The following VSTM2B variants were observed in gnomAD, a reference collection of about 807,000 sequenced individuals.
VSTM2B encodes the protein V-set and transmembrane domain containing 2B.
A neutral mutation model predicts 24.0 loss-of-function variants in VSTM2B; 24 were observed. That is an observed-to-expected ratio of 1.00 (90% confidence interval 0.72 to 1.40). The LOEUF is 1.40. VSTM2B is among the 40% of genes most tolerant of loss of function. The pLI, the probability that VSTM2B is intolerant of heterozygous loss-of-function variation, is 0.00. For missense variants in VSTM2B, 399 were observed against 416.4 expected (o/e 0.96, Z 0.36); for synonymous variants, 226 against 194.4 (o/e 1.16, Z -1.35).
In VSTM2B at chr19:29,526,500, G is replaced by T. The variant is rs1179500526; in HGVS notation, c.-84G>T. The T allele has an allele frequency of 8.7e-7, 1 of 1,144,278 alleles. No homozygotes were observed. Among genetic ancestry groups the T allele is most frequent in the Non-Finnish European group, 1.2e-6 (1 of 857,978 alleles). The allele number at this position is 1,144,278 out of a possible 1,614,324, so 70.9% of individuals were successfully genotyped here. A position where few individuals can be genotyped will look rare whatever the true frequency, so the allele number is the denominator to read the frequency against. ...CCATGGCAGGCTCGGAGGCGTCCTAGCCCGAGCCGGAGCCGATCCGAGCCC... is the reference window on the plus strand; with the variant it reads ...CCATGGCAGGCTCGGAGGCGTCCTATCCCGAGCCGGAGCCGATCCGAGCCC... On this transcript the variant is annotated 5_prime_UTR_variant, in exon 1 of 5. An upstream open reading frame in the 5' UTR loses its in-frame stop. Coordinates refer to ENST00000335523, the MANE Select transcript of VSTM2B (RefSeq NM_001146339.2). The surrounding 1 kb of genome is among the most constrained non-coding windows in gnomAD (Gnocchi z 4.1).
At chr19:29,563,813 T>C (rs1568450101) in intron 4 of VSTM2B, 33 bp from the exon 5 acceptor site, 6 of 1,540,580 alleles carry the variant, frequency 3.9e-6, no homozygotes, top group Middle Eastern at 1.7e-4. Flanking sequence ...GAGACTCAGG[T>C]GTTAACCTTG....
At chr19:29,545,511 G>T (rs779704822) in intron 4 of VSTM2B, among the ~76,000 whole-genome samples, 24 of 152,304 alleles carry the variant, frequency 1.6e-4, no homozygotes, top group Non-Finnish European at 3.4e-4. Context: ...TACTCAGGAG[G>T]CTGAGGCAGG....
chr19:29,552,834 C>A (rs1970317388), intron 4 of VSTM2B, among the ~76,000 whole-genome samples: 1 of 152,218 alleles, frequency 6.6e-6, no homozygotes, highest in Admixed American at 6.5e-5. Context: ...TGCAGCACAG[C>A]AGCTGTGGCA....
intron 4 of VSTM2B, among the ~76,000 whole-genome samples, chr19:29,554,166 ACCAGAGAGATAGG>A (rs1451264480): frequency 6.6e-6 from 1 of 152,194 alleles, no homozygotes; most frequent in Non-Finnish European, 1.5e-5. Context: ...GTAAAGGGCA[ACCAGAGAGATAGG>A]CCAGATCACC....
At chr19:29,546,491 G>T (rs1251476924) in intron 4 of VSTM2B, among the ~76,000 whole-genome samples, 1 of 152,258 alleles carries the variant, frequency 6.6e-6, no homozygotes, top group African/African-American at 2.4e-5. Context: ...TAAGGCTGCT[G>T]AGAGAGATAA....
intron 3 of VSTM2B, among the ~76,000 whole-genome samples, chr19:29,529,358 C>G (rs1364156141): frequency 6.6e-6 from 1 of 151,904 alleles, no homozygotes; most frequent in Non-Finnish European, 1.5e-5. Flanking sequence ...CCTCCGTGCT[C>G]CGGGAGGTGA....
At chr19:29,544,955 A>G (rs1970115876) in intron 4 of VSTM2B, among the ~76,000 whole-genome samples, 1 of 152,224 alleles carries the variant, frequency 6.6e-6, no homozygotes, top group African/African-American at 2.4e-5. Flanking sequence ...TGAGACAGCC[A>G]TGGTCTCCAC....
Position 29,529,882 on chromosome 19 carries a change from G to C in VSTM2B, c.361G>C (p.Asp121His). Reference sequence around the variant, plus strand: ...TCGGCTGTCTGCCGTGCGGCTGCAGGACGAGGGCGTGTACGAGTGCCGCGT... The same window carrying C: ...TCGGCTGTCTGCCGTGCGGCTGCAGCACGAGGGCGTGTACGAGTGCCGCGT... ...RLRLSAVRLQ[D>H]EGVYECRVSD... Residue 121 changes from aspartate (D) to histidine (H), a missense_variant, in exon 4 of 5, where the codon GAC (aspartate) becomes CAC (histidine). Physicochemically the swap from Asp to His is moderately conservative, Grantham distance 81. Transcript: ENST00000335523. 1 of 1,550,426 alleles carries C rather than the reference G, an allele frequency of 6.4e-7. No individual in the cohort carries two copies. Among genetic ancestry groups the C allele is most frequent in the East Asian group, 2.4e-5 (1 of 40,910 alleles).
chr19:29,541,788 G>T (rs1014062875), intron 4 of VSTM2B, among the ~76,000 whole-genome samples: 1 of 151,716 alleles, frequency 6.6e-6, no homozygotes, highest in African/African-American at 2.4e-5. Context: ...TGGAAGGAAG[G>T]ATAAATGAAT....
rs746859863 is a variant in VSTM2B at position 29,563,850 on chromosome 19, C to G, written c.774C>G (p.Thr258=). The stretch of plus-strand genomic sequence containing the variant: ...CTGTTTTCTCATCCCCTGCAGGCAC[C>G]GGCCGTAGCTACACCACAGACCCAC... ...VLLRQRHGSG[T]GRSYTTDPLL... The change falls in exon 5 of 5, where the codon ACC becomes ACG. Residue 258 remains threonine, a synonymous_variant. Transcript: ENST00000335523. 6.4e-7 allele frequency: 1 copy of G among 1,552,130 alleles called. No homozygotes were observed. Among genetic ancestry groups the G allele is most frequent in the Non-Finnish European group, 8.7e-7 (1 of 1,147,026 alleles).
Position 29,529,993 on chromosome 19 carries a change from C to G in VSTM2B, c.472C>G (p.Gln158Glu), listed in dbSNP as rs1969695265. ...CTCGCGCTTCGCGCCGCCCAACATGCAGGCCGCCGAGGCCGTGTCCCACAT... is the reference window on the plus strand; with the variant it reads ...CTCGCGCTTCGCGCCGCCCAACATGGAGGCCGCCGAGGCCGTGTCCCACAT... ...VLSRFAPPNM[Q>E]AAEAVSHIQS... Residue 158 changes from glutamine to glutamate, a missense_variant, in exon 4 of 5, where the codon CAG (glutamine) becomes GAG (glutamate). Physicochemically the swap from Gln to Glu is conservative, Grantham distance 29. Coordinates refer to ENST00000335523, the MANE Select transcript of VSTM2B (RefSeq NM_001146339.2). 1.9e-6 allele frequency: 3 copies of G among 1,542,922 alleles called. No homozygotes were observed. Among genetic ancestry groups the G allele is most frequent in the Non-Finnish European group, 2.6e-6 (3 of 1,146,332 alleles).
chr19:29,526,078 C>T lies in VSTM2B; in HGVS notation c.-506C>T, dbSNP rs1304410510. On this transcript the variant is annotated 5_prime_UTR_variant, in exon 1 of 5. Transcript: ENST00000335523. This position sits in a 1 kb window ranked among gnomAD's most constrained non-coding sequence, Gnocchi z 4.1. The stretch of plus-strand genomic sequence containing the variant: ...CGGACGCCAGGTCTGCGCGCCGCGG[C>T]TGAGCGCCCACTCGCCCTGCGGAAA... Among the ~76,000 whole-genome samples, 2 of 152,008 alleles carry T rather than the reference C, an allele frequency of 1.3e-5. No homozygotes were observed. The highest frequency in any genetic ancestry group is 2.9e-5 in the Non-Finnish European group (2 of 67,956).
chr19:29,526,504 G>T lies in VSTM2B; in HGVS notation c.-80G>T. On this transcript the variant is annotated 5_prime_UTR_variant, in exon 1 of 5. Transcript: ENST00000335523. The surrounding 1 kb of genome is among the most constrained non-coding windows in gnomAD (Gnocchi z 4.1). ...GGCAGGCTCGGAGGCGTCCTAGCCC[G>T]AGCCGGAGCCGATCCGAGCCCACGC... 8.4e-7 allele frequency: 1 copy of T among 1,189,818 alleles called. No individual in the cohort carries two copies. Among genetic ancestry groups the T allele is most frequent in the South Asian group, 1.7e-5 (1 of 60,124 alleles). The allele number at this position is 1,189,818 out of a possible 1,614,324, so 73.7% of individuals were successfully genotyped here.
chr19:29,538,215 T>A (rs1327506960), intron 4 of VSTM2B, among the ~76,000 whole-genome samples: 1 of 152,166 alleles, frequency 6.6e-6, no homozygotes, highest in Non-Finnish European at 1.5e-5. Flanking sequence ...ACCATTTGAT[T>A]GGAATCTTGA....
chr19:29,525,939 C>A (rs1247954114), upstream of VSTM2B, among the ~76,000 whole-genome samples: 1 of 151,336 alleles, frequency 6.6e-6, no homozygotes, highest in Non-Finnish European at 1.5e-5. Flanking sequence ...GTGGAGGCGG[C>A]TTGGCGCCCA....
chr19:29,562,285 A>C (rs1051468935), intron 4 of VSTM2B, among the ~76,000 whole-genome samples: 4 of 152,200 alleles, frequency 2.6e-5, no homozygotes, highest in Non-Finnish European at 5.9e-5. Flanking sequence ...ATTAAGGAGC[A>C]GGAGACGCCT....
At chr19:29,528,561 G>A (rs932586671) in intron 3 of VSTM2B, 99 bp downstream of exon 3, 2 of 1,437,120 alleles carry the variant, frequency 1.4e-6, no homozygotes, top group Non-Finnish European at 1.9e-6. Flanking sequence ...CGCGCATGTG[G>A]GGCCGCGCAA....
rs1470574438 is a variant in VSTM2B, at chr19:29,530,196, C to T, written c.675C>T (p.His225=). 11 of 1,496,036 alleles carry T rather than the reference C, an allele frequency of 7.4e-6. No individual in the cohort carries two copies. The African/African-American group carries it at 1.6e-4, about 22-fold the overall frequency. 92.7% of individuals were successfully genotyped at this position (1,496,036 alleles called of 1,614,324 possible). A position where few individuals can be genotyped will look rare whatever the true frequency, so the allele number is the denominator to read the frequency against. The change falls in exon 4 of 5, where the codon CAC becomes CAT. Residue 225 remains histidine, a synonymous_variant. Coordinates refer to ENST00000335523, the MANE Select transcript of VSTM2B (RefSeq NM_001146339.2). The part of the protein sequence containing the change: ...VPEAAAASAA[H]TPTTTVAAAA... ...AGGCCGCGGCAGCCTCGGCGGCCCA[C>T]ACGCCCACCACCACAGTCGCGGCAG... is the stretch of plus-strand genomic sequence containing the variant.
rs1443960114 is a variant in VSTM2B, at chr19:29,530,178, G to A, written c.657G>A (p.Ala219=). The change falls in exon 4 of 5, where the codon GCG becomes GCA. Residue 219 remains alanine, a synonymous_variant. Coordinates refer to ENST00000335523, the MANE Select transcript of VSTM2B (RefSeq NM_001146339.2). ...AAIDPAVPEA[A]AASAAHTPTT... ...TCGATCCCGCAGTCCCCGAGGCCGCGGCAGCCTCGGCGGCCCACACGCCCA... is the reference window on the plus strand; with the variant it reads ...TCGATCCCGCAGTCCCCGAGGCCGCAGCAGCCTCGGCGGCCCACACGCCCA... 14 of 1,488,878 alleles carry A rather than the reference G, an allele frequency of 9.4e-6. No homozygotes were observed. The South Asian group carries it at 1.5e-4, about 16-fold the overall frequency. The allele number at this position is 1,488,878 out of a possible 1,614,324, so 92.2% of individuals were successfully genotyped here.
Sources: gnomAD v4.1 joint callset for allele counts (sites outside exome capture counted in the v4.1 genomes callset) on GRCh38, gnomAD v4.1.1 for gene constraint, Gnocchi (gnomAD v3.1) non-coding constraint, MANE v1.5 for transcripts, NCBI Gene and HGNC (gene_info 2026-07-23, HGNC 2026-07-21) for gene names.